Variants in RNF180 observed in about 807,000 individuals in gnomAD.
RNF180 encodes ring finger protein 180, also known as E3 ubiquitin-protein ligase RNF180.
In RNF180, 38 loss-of-function variants were observed where a neutral mutation model predicts 59.2. That is an observed-to-expected ratio of 0.64 (90% CI 0.50 to 0.84). RNF180 has a LOEUF of 0.84. Among genes scored for constraint, RNF180 ranks in the 40% least tolerant of loss-of-function variants. The pLI, the probability that RNF180 is intolerant of heterozygous loss-of-function variation, is 0.00. For synonymous variants in RNF180, 262 were observed against 240.3 expected, an observed-to-expected ratio of 1.09 and a Z score of -0.84; for missense variants, 705 against 700.9, an observed-to-expected ratio of 1.01 and a Z score of -0.07.
intron 7 of RNF180, among the ~76,000 whole-genome samples, chr5:64,339,501 C>T (rs1261367745): frequency 6.6e-6 from 1 of 152,024 alleles, no homozygotes; most frequent in Non-Finnish European, 1.5e-5. Context: ...GGAAAATTAG[C>T]ACCTGTGATT....
chr5:64,209,856 AC>A (rs1396539703), intron 2 of RNF180, among the ~76,000 whole-genome samples: 1 of 152,132 alleles, frequency 6.6e-6, no homozygotes, highest in African/African-American at 2.4e-5. Flanking sequence ...TGGATGTTTC[AC>A]AAAATTAATT....
intron 5 of RNF180, among the ~76,000 whole-genome samples, chr5:64,321,442 C>T (rs1166363448): frequency 6.6e-6 from 1 of 152,022 alleles, no homozygotes; most frequent in Non-Finnish European, 1.5e-5. Flanking sequence ...GAATAAAATA[C>T]CTAGGAATAC....
At chr5:64,204,798 C>T (rs1239591209) in intron 2 of RNF180, among the ~76,000 whole-genome samples, 1 of 152,018 alleles carries the variant, frequency 6.6e-6, no homozygotes, top group East Asian at 1.9e-4. Context: ...CCTTGTGTGC[C>T]CTCTGAGAAA....
intron 5 of RNF180, among the ~76,000 whole-genome samples, chr5:64,256,962 C>T (rs1744005830): frequency 1.3e-5 from 2 of 152,112 alleles, no homozygotes; most frequent in Admixed American, 1.3e-4. Flanking sequence ...ATCTTTGAAG[C>T]AATTGTGAAT....
At chr5:64,345,173 T>G (rs1227510792) in intron 7 of RNF180, among the ~76,000 whole-genome samples, 2 of 152,098 alleles carry the variant, frequency 1.3e-5, no homozygotes, top group Non-Finnish European at 2.9e-5. Context: ...CCTCCAACAC[T>G]CTTCTAATTT....
chr5:64,280,798 A>G (rs1168538910), intron 5 of RNF180, among the ~76,000 whole-genome samples: 1 of 152,178 alleles, frequency 6.6e-6, no homozygotes, highest in East Asian at 1.9e-4. Context: ...TTTTGGTTCC[A>G]TATGCATTTT....
At chr5:64,214,941 T>C (rs968142390) in intron 4 of RNF180, among the ~76,000 whole-genome samples, 2 of 149,884 alleles carry the variant, frequency 1.3e-5, no homozygotes, top group African/African-American at 4.9e-5. Flanking sequence ...CATTCACTTT[T>C]CATCACATTT....
chr5:64,358,836 C>G (rs930190076), intron 7 of RNF180, among the ~76,000 whole-genome samples: 11 of 145,990 alleles, frequency 7.5e-5, no homozygotes, highest in South Asian at 2.2e-4. Context: ...TTCCTGTGTC[C>G]ATGTGATCTC....
chr5:64,228,453 G>T (rs1741905558), intron 5 of RNF180, among the ~76,000 whole-genome samples: 1 of 152,124 alleles, frequency 6.6e-6, no homozygotes, highest in South Asian at 2.1e-4. Context: ...GGTTGAGACT[G>T]CAGTAAGCCA....
chr5:64,351,852 G>A (rs1745825432), intron 7 of RNF180, among the ~76,000 whole-genome samples: 1 of 152,056 alleles, frequency 6.6e-6, no homozygotes, highest in African/African-American at 2.4e-5. Flanking sequence ...CAGGGATATT[G>A]GTCTAAAATT....
chr5:64,216,292 G>A (rs1752622010), intron 4 of RNF180, among the ~76,000 whole-genome samples: 1 of 152,152 alleles, frequency 6.6e-6, no homozygotes, highest in Non-Finnish European at 1.5e-5. Context: ...GCTAATTCAA[G>A]CAAAAAGACA....
intron 7 of RNF180, among the ~76,000 whole-genome samples, chr5:64,338,297 T>C (rs1311439266): frequency 6.6e-6 from 1 of 152,170 alleles, no homozygotes; most frequent in Non-Finnish European, 1.5e-5. Flanking sequence ...GGACTTCTAT[T>C]TGATTTTGAA....
chr5:64,320,703 A>G (rs1416328017), intron 5 of RNF180, among the ~76,000 whole-genome samples: 1 of 152,220 alleles, frequency 6.6e-6, no homozygotes, highest in Non-Finnish European at 1.5e-5. Flanking sequence ...ACAACCTGAC[A>G]CAAGGAAAAA....
intron 5 of RNF180, among the ~76,000 whole-genome samples, chr5:64,244,146 A>G (rs1249742112): frequency 6.6e-6 from 1 of 152,208 alleles, no homozygotes; most frequent in Non-Finnish European, 1.5e-5. Context: ...AAACAGGACA[A>G]AAAGGCTGAA....
chr5:64,301,904 C>T lies in RNF180; in HGVS notation c.1228-23282C>T, dbSNP rs147829427. 4.9e-3 allele frequency among the ~76,000 whole-genome samples: 739 copies of T among 151,750 alleles called. 4 individuals carry two copies. Among genetic ancestry groups the T allele is most frequent in the South Asian group, 0.027 (129 of 4,832 alleles). ...GTTAATAGGGCAGCAAAGTGTGATT[C>T]TTTTACCAGGGAATGAGAACAAATA... On this transcript the variant is annotated intron_variant, in intron 5 of 7. Coordinates refer to ENST00000389100, the MANE Select transcript of RNF180 (RefSeq NM_001113561.2).
At chr5:64,359,126 T>G (rs1330996797) in intron 7 of RNF180, among the ~76,000 whole-genome samples, 1 of 151,508 alleles carries the variant, frequency 6.6e-6, no homozygotes, top group Non-Finnish European at 1.5e-5. Context: ...GCAGCATGAT[T>G]TATAGTCCTT....
chr5:64,336,762 T>C (rs1399501717), intron 7 of RNF180, among the ~76,000 whole-genome samples: 1 of 152,164 alleles, frequency 6.6e-6, no homozygotes, highest in African/African-American at 2.4e-5. Flanking sequence ...TCTGCCCTTA[T>C]TGGTTTTATA....
intron 5 of RNF180, among the ~76,000 whole-genome samples, chr5:64,287,568 C>T (rs1231602346): frequency 6.6e-6 from 1 of 152,184 alleles, no homozygotes; most frequent in Non-Finnish European, 1.5e-5. Context: ...TCCTCTTTCT[C>T]CACAACCTTG....
intron 1 of RNF180, among the ~76,000 whole-genome samples, chr5:64,188,210 G>T (rs1282943783): frequency 6.6e-6 from 1 of 152,140 alleles, no homozygotes; most frequent in Non-Finnish European, 1.5e-5. Context: ...GTGGGTTACT[G>T]TTGGGATTGC....
Sources: allele counts gnomAD v4.1 joint callset (sites outside exome capture counted in the v4.1 genomes callset), GRCh38; gene constraint gnomAD v4.1.1; transcripts MANE v1.5; gene names NCBI Gene and HGNC (gene_info 2026-07-23, HGNC 2026-07-21).